The following LMAN2L variants were observed in gnomAD, a reference collection of about 807,000 sequenced individuals.
The protein encoded by LMAN2L is VIP36-like protein.
LMAN2L carries 30 observed loss-of-function variants against 44.3 expected under a neutral mutation model. The observed-to-expected ratio is 0.68, with a 90% confidence interval of 0.51 to 0.92. LMAN2L has a LOEUF of 0.92. Among genes scored for constraint, LMAN2L ranks in the 40% least tolerant of loss-of-function variants. The pLI, the probability that LMAN2L is intolerant of heterozygous loss-of-function variation, is 0.00. For missense variants in LMAN2L, 429 were observed against 446.1 expected (o/e 0.96, Z 0.35); for synonymous variants, 183 against 171.1 (o/e 1.07, Z -0.54).
intron 4 of LMAN2L, among the ~76,000 whole-genome samples, chr2:96,716,279 TGA>T (rs938661572): frequency 3.3e-5 from 5 of 152,130 alleles, no homozygotes; most frequent in African/African-American, 1.2e-4. Flanking sequence ...CACCAAAAGA[TGA>T]GAGAGAACAA....
chr2:96,707,403 G>A lies in LMAN2L; in HGVS notation c.905-5C>T. 6.2e-7 allele frequency: 1 copy of A among 1,608,520 alleles called. No individual in the cohort carries two copies. Among genetic ancestry groups the A allele is most frequent in the East Asian group, 2.2e-5 (1 of 44,760 alleles). On this transcript the variant is annotated splice_polypyrimidine_tract_variant and splice_region_variant and intron_variant, in intron 7 of 7. Coordinates refer to ENST00000264963, the MANE Select transcript of LMAN2L (RefSeq NM_030805.4). ...GGGGCGGCAGTGGAGCTGTCACTGA[G>A]GAAGCAAGAGAGAAGCAAGTCAGAA... is the stretch of plus-strand genomic sequence containing the variant.
chr2:96,738,886 G>A (rs1281657939), intron 1 of LMAN2L, among the ~76,000 whole-genome samples: 1 of 151,922 alleles, frequency 6.6e-6, no homozygotes, highest in African/African-American at 2.4e-5. Context: ...GACTACAGGC[G>A]CCCGCCACCA....
At chr2:96,735,016 GAAT>G (rs57452464) in intron 2 of LMAN2L, among the ~76,000 whole-genome samples, 11,693 of 152,218 alleles carry the variant, frequency 0.077, 504 homozygotes, top group Middle Eastern at 0.16. Flanking sequence ...ACGTTTCCAG[GAAT>G]AATTAGCAGA....
chr2:96,712,848 A>C (rs1417914040), intron 4 of LMAN2L, among the ~76,000 whole-genome samples: 2 of 152,248 alleles, frequency 1.3e-5, no homozygotes, highest in East Asian at 1.9e-4. Context: ...ATGGCGAACT[A>C]ATCATTCCAG....
chr2:96,713,197 C>G, intron 4 of LMAN2L: 1 of 1,451,532 alleles, frequency 6.9e-7, no homozygotes, highest in Non-Finnish European at 9.5e-7. Flanking sequence ...GACAGGAGAC[C>G]AAGTCAGAAA....
chr2:96,707,288 A>T lies in LMAN2L; in HGVS notation c.1015T>A (p.Trp339Arg). ...AAGCGCTTTCGGCTCTGTTCCTGCC[A>T]TTTGTTGTAGAGTATGATACCAATG... The part of the protein sequence containing the change: ...IVIGIILYNK[W>R]QEQSRKRFY Residue 339 changes from tryptophan to arginine, a missense_variant, in exon 8 of 8, where the codon TGG becomes AGG. Physicochemically the swap from Trp to Arg is moderately radical, Grantham distance 101. Coordinates refer to ENST00000264963, the MANE Select transcript of LMAN2L (RefSeq NM_030805.4). The T allele has an allele frequency of 6.2e-7, 1 of 1,614,166 alleles. No homozygotes were observed. Among genetic ancestry groups the T allele is most frequent in the Non-Finnish European group, 8.5e-7 (1 of 1,180,010 alleles).
In LMAN2L at chr2:96,730,513, C is replaced by T. The variant is rs138612517; in HGVS notation, c.507+3006G>A. Among the ~76,000 whole-genome samples, 12 of 152,166 alleles carry T rather than the reference C, an allele frequency of 7.9e-5. No homozygotes were observed. The South Asian group carries it at 1.7e-3, about 21-fold the overall frequency. On this transcript the variant is annotated intron_variant, in intron 4 of 7. Transcript: ENST00000264963. ...CCAAGCAGATGCCAGTCAGTCTCAG[C>T]GGCTAGTTAACATGCCGAGGCTACA...
At chr2:96,725,342 C>T (rs898649360) in intron 4 of LMAN2L, among the ~76,000 whole-genome samples, 3 of 152,012 alleles carry the variant, frequency 2.0e-5, no homozygotes, top group Non-Finnish European at 4.4e-5. Context: ...TAAGGTGATT[C>T]TCCCACTTCA....
intron 4 of LMAN2L, among the ~76,000 whole-genome samples, chr2:96,712,521 G>A (rs980037961): frequency 3.9e-5 from 6 of 152,152 alleles, no homozygotes; most frequent in Admixed American, 3.9e-4. Flanking sequence ...GTTTGAGCAG[G>A]GGAATCTTTC....
chr2:96,724,837 A>AT (rs1178151752), intron 4 of LMAN2L, among the ~76,000 whole-genome samples: 1 of 147,362 alleles, frequency 6.8e-6, no homozygotes, highest in Non-Finnish European at 1.5e-5. Context: ...ATTTTTATTT[A>AT]TTTATTTTTT....
chr2:96,707,427 A>G, intron 7 of LMAN2L, 29 bp from the exon 8 acceptor site: 2 of 1,595,636 alleles, frequency 1.3e-6, no homozygotes, highest in Middle Eastern at 1.8e-4. Flanking sequence ...AGCAAGTCAG[A>G]AAACAGGGAG....
intron 4 of LMAN2L, among the ~76,000 whole-genome samples, chr2:96,721,928 G>T (rs753369524): frequency 6.6e-6 from 1 of 152,034 alleles, no homozygotes; most frequent in Non-Finnish European, 1.5e-5. Flanking sequence ...GAGGGGGGGT[G>T]GTTTCGGGAT....
chr2:96,719,995 C>T (rs1167601979), intron 4 of LMAN2L, among the ~76,000 whole-genome samples: 1 of 151,962 alleles, frequency 6.6e-6, no homozygotes, highest in East Asian at 1.9e-4. Context: ...CCACTGCACT[C>T]CATCCTGGGC....
At chr2:96,711,827 C>T (rs372724499) in intron 5 of LMAN2L, 37 bp downstream of exon 5, 2 of 1,613,236 alleles carry the variant, frequency 1.2e-6, no homozygotes, top group East Asian at 2.2e-5. Flanking sequence ...AGCGACACAG[C>T]CCACACCACC....
At chr2:96,717,092 CTTTT>C (rs989016585) in intron 4 of LMAN2L, among the ~76,000 whole-genome samples, 20 of 149,460 alleles carry the variant, frequency 1.3e-4, no homozygotes, top group African/African-American at 4.7e-4. Context: ...CATAAAATAA[CTTTT>C]TTTTTTAAAC....
At chr2:96,738,254 AC>A (rs2153338057) in intron 1 of LMAN2L, among the ~76,000 whole-genome samples, 187 bp from the exon 2 acceptor site, 1 of 152,212 alleles carries the variant, frequency 6.6e-6, no homozygotes, top group Admixed American at 6.5e-5. Context: ...TCAGGTAAGG[AC>A]CCCAAAGCAC....
At chr2:96,734,595 A>ACG in intron 2 of LMAN2L, 69 bp from the exon 3 acceptor site, 3 of 957,852 alleles carry the variant, frequency 3.1e-6, no homozygotes, top group Non-Finnish European at 3.4e-6. Context: ...CCACATCAGC[A>ACG]ATCAACAGAC....
intron 4 of LMAN2L, among the ~76,000 whole-genome samples, chr2:96,729,118 G>A (rs1274032389): frequency 1.3e-5 from 2 of 151,948 alleles, no homozygotes; most frequent in African/African-American, 2.4e-5. Flanking sequence ...CTTGCAGTGA[G>A]CTGAGATCGC....
At chr2:96,727,552 G>A (rs1341239623) in intron 4 of LMAN2L, among the ~76,000 whole-genome samples, 1 of 152,192 alleles carries the variant, frequency 6.6e-6, no homozygotes, top group Admixed American at 6.6e-5. Flanking sequence ...GGAGGATTGA[G>A]CCTATATACT....
Sources: gnomAD v4.1 joint callset for allele counts (sites outside exome capture counted in the v4.1 genomes callset) on GRCh38, gnomAD v4.1.1 for gene constraint, MANE v1.5 for transcripts, NCBI Gene and HGNC (gene_info 2026-07-23, HGNC 2026-07-21) for gene names.